FLNB: variants seen among roughly 807,000 people sequenced by gnomAD.
The protein encoded by FLNB is filamin-B.
FLNB carries 111 observed loss-of-function variants against 250.6 expected under a neutral mutation model. The ratio of observed to expected loss-of-function variants is 0.44; its 90% confidence interval spans 0.38 to 0.52. The LOEUF (loss-of-function observed/expected upper bound fraction) is 0.52, where lower values mean the gene tolerates loss of function less well. FLNB is among the 20% of genes least tolerant of loss of function. FLNB has a pLI of 0.00. For synonymous variants in FLNB, 1,302 were observed against 1,372.1 expected (o/e 0.95, Z 1.13); for missense variants, 2,869 against 3,447.8 (o/e 0.83, Z 4.20).
chr3:58,098,258 C>A (rs1161600165), intron 7 of FLNB, among the ~76,000 whole-genome samples: 1 of 152,170 alleles, frequency 6.6e-6, no homozygotes, highest in Middle Eastern at 3.2e-3. Context: ...ACCATAAACC[C>A]TTCAACCCCT....
At chr3:58,085,894 G>C (rs1190055171) in intron 4 of FLNB, among the ~76,000 whole-genome samples, 1 of 152,172 alleles carries the variant, frequency 6.6e-6, no homozygotes, top group African/African-American at 2.4e-5. Flanking sequence ...CCCAAGCCCA[G>C]ACCTTTGACA....
Position 58,077,219 on chromosome 3 carries a change from T to G in FLNB, c.466T>G (p.Leu156Val). The stretch of plus-strand genomic sequence containing the variant: ...GTGGATTCAGAACAAGATCCCCTAC[T>G]TGCCCATCACCAACTTTAACCAGAA... ...LGWIQNKIPY[L>V]PITNFNQNWQ... is the part of the protein sequence containing the mutation. The change falls in exon 2 of 46, where the codon TTG becomes GTG. Residue 156 changes from leucine to valine, a missense_variant. Physicochemically the swap from Leu to Val is conservative, Grantham distance 32. Around this residue, in one of 5 missense-constraint regions of FLNB, gnomAD observed 308 missense variants for 466.1 expected, o/e 0.66. Coordinates refer to ENST00000295956, the MANE Select transcript of FLNB (RefSeq NM_001457.4). 1 of 1,614,198 alleles carries G rather than the reference T, an allele frequency of 6.2e-7. No homozygotes were observed. The highest frequency in any genetic ancestry group is 8.5e-7 in the Non-Finnish European group (1 of 1,180,034).
intron 1 of FLNB, among the ~76,000 whole-genome samples, chr3:58,011,141 T>C (rs770255672): frequency 1.3e-5 from 2 of 152,078 alleles, no homozygotes; most frequent in Non-Finnish European, 2.9e-5. Flanking sequence ...TCTCGAACTC[T>C]TGACCTCATG....
At chr3:58,098,952 C>T (rs1226676674) in intron 8 of FLNB, 44 bp downstream of exon 8, 19 of 1,548,326 alleles carry the variant, frequency 1.2e-5, no homozygotes, top group Non-Finnish European at 1.7e-5. Context: ...CATAGGGAAG[C>T]TGACTGCACA....
At chr3:58,018,661 G>A (rs575812895) in intron 1 of FLNB, among the ~76,000 whole-genome samples, 38 of 152,052 alleles carry the variant, frequency 2.5e-4, no homozygotes, top group Admixed American at 5.9e-4. Flanking sequence ...GATTACAGGC[G>A]CCTTGGCACC....
chr3:58,082,500 A>T (rs1447757494), intron 4 of FLNB, among the ~76,000 whole-genome samples: 1 of 152,056 alleles, frequency 6.6e-6, no homozygotes, highest in Admixed American at 6.6e-5. Flanking sequence ...GCCGGGTGTG[A>T]TGGTTCATGC....
intron 1 of FLNB, among the ~76,000 whole-genome samples, chr3:58,019,092 G>A (rs1034826736): frequency 6.6e-6 from 1 of 152,010 alleles, no homozygotes; most frequent in African/African-American, 2.4e-5. Context: ...AGCTATGATT[G>A]CGTCACTGCA....
rs1418982277 is a variant in FLNB at position 58,124,647 on chromosome 3, C to T, written c.3898+142C>T. ...TGCAGAGTGACAGAGTGGAAGTCAG[C>T]GTCCGCTGCAGTCACCTGCCCACTC... On this transcript the variant is annotated intron_variant, in intron 22 of 45. Coordinates refer to ENST00000295956, the MANE Select transcript of FLNB (RefSeq NM_001457.4). 9 of 913,806 alleles carry T rather than the reference C, an allele frequency of 9.8e-6. 1 individual carries two copies. Among genetic ancestry groups the T allele is most frequent in the South Asian group, 2.9e-5 (2 of 68,158 alleles). 56.6% of individuals were successfully genotyped at this position (913,806 alleles called of 1,614,324 possible).
intron 4 of FLNB, among the ~76,000 whole-genome samples, chr3:58,091,830 A>G (rs1035157081): frequency 7.2e-5 from 11 of 152,140 alleles, no homozygotes; most frequent in African/African-American, 2.7e-4. Flanking sequence ...TATAAAAGCC[A>G]CCCGGACACC....
chr3:58,168,944 T>A (rs4681787), intron 44 of FLNB: 1 of 388,564 alleles, frequency 2.6e-6, no homozygotes, highest in Non-Finnish European at 4.8e-6. Context: ...TAGATCAGGG[T>A]CTGAAAAATC....
intron 1 of FLNB, among the ~76,000 whole-genome samples, chr3:58,016,646 C>T (rs898164586): frequency 6.6e-6 from 1 of 152,062 alleles, no homozygotes; most frequent in Non-Finnish European, 1.5e-5. Context: ...TTGGGGTGGA[C>T]ATACCTCTTT....
At chr3:58,115,591 C>T (rs1250752858) in intron 18 of FLNB, among the ~76,000 whole-genome samples, 2 of 152,126 alleles carry the variant, frequency 1.3e-5, no homozygotes, top group African/African-American at 2.4e-5. Flanking sequence ...GTGGGAGGCT[C>T]CTTACTTCAG....
chr3:58,160,065 CACAT>C (rs757949640), intron 42 of FLNB, among the ~76,000 whole-genome samples: 4 of 152,026 alleles, frequency 2.6e-5, no homozygotes, highest in Non-Finnish European at 5.9e-5. Context: ...AACAAAAAAA[CACAT>C]ACACACAACA....
At chr3:58,078,844 G>A (rs748190199) in intron 3 of FLNB, 30 bp downstream of exon 3, 39 of 1,559,470 alleles carry the variant, frequency 2.5e-5, no homozygotes, top group Non-Finnish European at 3.3e-5. Context: ...GTCCTGTGAG[G>A]CTGCCCCCAC....
At chr3:58,041,766 A>C (rs150031070) in intron 1 of FLNB, among the ~76,000 whole-genome samples, 234 of 152,060 alleles carry the variant, frequency 1.5e-3, no homozygotes, top group African/African-American at 5.4e-3. Context: ...CTACCTTACA[A>C]ATCCTTCCTG....
chr3:58,058,099 A>AT (rs1239356242), intron 1 of FLNB, among the ~76,000 whole-genome samples: 11 of 152,182 alleles, frequency 7.2e-5, no homozygotes, highest in South Asian at 4.2e-4. Flanking sequence ...AGTTGAGTGG[A>AT]TTTTTTTAGC....
chr3:58,168,401 C>T (rs2097374660), intron 43 of FLNB, 39 bp from the exon 44 acceptor site: 3 of 1,531,530 alleles, frequency 2.0e-6, no homozygotes, highest in South Asian at 1.1e-5. Context: ...GAAAGCCCTC[C>T]AAGTCATCAA....
At chr3:58,056,880 C>T (rs1247022733) in intron 1 of FLNB, among the ~76,000 whole-genome samples, 1 of 152,174 alleles carries the variant, frequency 6.6e-6, no homozygotes, top group Non-Finnish European at 1.5e-5. Flanking sequence ...TGAGCCACCA[C>T]GCCCTGTGAC....
At chr3:58,020,494 C>T (rs2097112264) in intron 1 of FLNB, among the ~76,000 whole-genome samples, 1 of 152,218 alleles carries the variant, frequency 6.6e-6, no homozygotes, top group Non-Finnish European at 1.5e-5. Flanking sequence ...CCAGCCCATT[C>T]AGGGCTCAGC....
Sources: gnomAD v4.1 joint callset for allele counts (sites outside exome capture counted in the v4.1 genomes callset) on GRCh38, gnomAD v4.1.1 for gene constraint, gnomAD v4.1.1 regional missense constraint, MANE v1.5 for transcripts, NCBI Gene and HGNC (gene_info 2026-07-23, HGNC 2026-07-21) for gene names.